Variants in TNS3 observed in about 807,000 individuals in gnomAD.
The protein encoded by TNS3 is tensin 3.
In TNS3, 45 loss-of-function variants were observed where a neutral mutation model predicts 140.9. That is an observed-to-expected ratio of 0.32 (90% confidence interval 0.25 to 0.41). The LOEUF is 0.41. Ranked by LOEUF, TNS3 falls within the 10% of genes least tolerant of loss-of-function variation. The pLI, the probability that TNS3 is intolerant of heterozygous loss-of-function variation, is 1.00. For missense variants in TNS3, 1,716 were observed against 1,906.7 expected (o/e 0.90, Z 1.86); for synonymous variants, 815 against 788.4 (o/e 1.03, Z -0.56).
chr7:47,528,635 T>C (rs1339951259), intron 2 of TNS3, among the ~76,000 whole-genome samples: 2 of 152,208 alleles, frequency 1.3e-5, no homozygotes, highest in Non-Finnish European at 2.9e-5. Flanking sequence ...CTTAGTTTAG[T>C]GACAGGATCT....
intron 16 of TNS3, among the ~76,000 whole-genome samples, chr7:47,381,564 C>A (rs746269915): frequency 1.3e-5 from 2 of 152,182 alleles, no homozygotes; most frequent in African/African-American, 2.4e-5. Context: ...GTTCCCACAG[C>A]ACAATGGAAA....
chr7:47,483,064 G>A (rs1037123084), intron 3 of TNS3, among the ~76,000 whole-genome samples: 2 of 152,136 alleles, frequency 1.3e-5, no homozygotes, highest in African/African-American at 4.8e-5. Flanking sequence ...AATGTAAACC[G>A]AGGGCTCTGG....
At chr7:47,578,734 G>T (rs1240477775) in intron 1 of TNS3, among the ~76,000 whole-genome samples, 1 of 152,204 alleles carries the variant, frequency 6.6e-6, no homozygotes, top group Admixed American at 6.5e-5. Flanking sequence ...CTGAGTCACA[G>T]AGTACAAACA....
At chr7:47,517,634 G>A (rs541975741) in intron 2 of TNS3, among the ~76,000 whole-genome samples, 1 of 152,302 alleles carries the variant, frequency 6.6e-6, no homozygotes, top group African/African-American at 2.4e-5. Context: ...CTACAACAGG[G>A]CAGAAACTGA....
chr7:47,417,761 CA>C (rs146846028), intron 10 of TNS3, among the ~76,000 whole-genome samples: 23,458 of 150,638 alleles, frequency 0.16, 2,438 homozygotes, highest in African/African-American at 0.29. Context: ...ACAACAACAA[CA>C]AAAAAAAACC....
chr7:47,289,593 T>C (rs1283818518), intron 27 of TNS3, among the ~76,000 whole-genome samples: 1 of 152,224 alleles, frequency 6.6e-6, no homozygotes, highest in Non-Finnish European at 1.5e-5. Context: ...ACTGCTTTCC[T>C]ACAGACCAGC....
At chr7:47,478,115 A>AC (rs926832077) in intron 4 of TNS3, among the ~76,000 whole-genome samples, 7 of 152,126 alleles carry the variant, frequency 4.6e-5, no homozygotes, top group African/African-American at 1.7e-4. Flanking sequence ...TGCCAAGGCC[A>AC]CCCCTGACTG....
chr7:47,523,276 C>T (rs1450776879), intron 2 of TNS3, among the ~76,000 whole-genome samples: 1 of 152,220 alleles, frequency 6.6e-6, no homozygotes, highest in Non-Finnish European at 1.5e-5. Flanking sequence ...AAGGCCCCAT[C>T]TCCTAATGCC....
intron 8 of TNS3, 70 bp downstream of exon 8, chr7:47,435,212 T>C (rs908239172): frequency 2.3e-5 from 36 of 1,589,238 alleles, no homozygotes; most frequent in Non-Finnish European, 2.8e-5. Flanking sequence ...AGATGCAGCA[T>C]TGGTCTCCAT....
At chr7:47,508,965 A>G (rs994088661) in intron 2 of TNS3, among the ~76,000 whole-genome samples, 9 of 152,214 alleles carry the variant, frequency 5.9e-5, no homozygotes, top group African/African-American at 2.2e-4. Context: ...CAGATGGTGC[A>G]GCCTCTCCAG....
intron 20 of TNS3, among the ~76,000 whole-genome samples, chr7:47,321,425 G>C (rs1787728733): frequency 6.6e-6 from 1 of 152,200 alleles, no homozygotes; most frequent in Admixed American, 6.5e-5. Flanking sequence ...ATTCCACTGA[G>C]TCCAAAACTC....
At chr7:47,436,692 C>T (rs1795198680) in intron 7 of TNS3, among the ~76,000 whole-genome samples, 1 of 151,772 alleles carries the variant, frequency 6.6e-6, no homozygotes. Flanking sequence ...GAAGAGAGCC[C>T]CATGCTGATG....
chr7:47,510,396 G>C (rs1236702941), intron 2 of TNS3, among the ~76,000 whole-genome samples: 1 of 152,168 alleles, frequency 6.6e-6, no homozygotes, highest in African/African-American at 2.4e-5. Context: ...TAGCAGTTGT[G>C]TGAGCTGGCA....
rs547923719 is a variant in TNS3, at chr7:47,573,044, C to A, written c.-265+9007G>T. Among the ~76,000 whole-genome samples the A allele has an allele frequency of 2.0e-5, 3 of 152,250 alleles. No individual in the cohort carries two copies. In the East Asian group the frequency reaches 5.8e-4, roughly 29 times the overall value. Reference sequence around the variant, plus strand: ...CCCAGAAATCAAGGGTCACGTGTGGCCCAGGCTTGGGAAAACATTTCTCAA... The same window carrying A: ...CCCAGAAATCAAGGGTCACGTGTGGACCAGGCTTGGGAAAACATTTCTCAA... On this transcript the variant is annotated intron_variant, in intron 1 of 30. Transcript: ENST00000311160.
intron 4 of TNS3, among the ~76,000 whole-genome samples, chr7:47,451,959 C>T (rs1036863757): frequency 1.3e-5 from 2 of 152,144 alleles, no homozygotes; most frequent in African/African-American, 4.8e-5. Flanking sequence ...TCGAGTAAGC[C>T]GTCTGATCTT....
Position 47,303,008 on chromosome 7 carries a change from G to A in TNS3, c.3399C>T (p.Pro1133=). The A allele has an allele frequency of 1.2e-6, 2 of 1,613,822 alleles. No individual in the cohort carries two copies. Among genetic ancestry groups the A allele is most frequent in the Non-Finnish European group, 1.7e-6 (2 of 1,179,742 alleles). ...SPHSGSTISI[P]FPNVLPDFSK... is the part of the protein sequence containing the mutation. Reference sequence around the variant, plus strand: ...AAAAGTCGGGAAGGACATTTGGGAAGGGGATACTGATGGTGCTCCCGCTGT... The same window carrying A: ...AAAAGTCGGGAAGGACATTTGGGAAAGGGATACTGATGGTGCTCCCGCTGT... The change falls in exon 22 of 31, where the codon CCC becomes CCT. Residue 1133 remains proline, a synonymous_variant. Coordinates refer to ENST00000311160, the MANE Select transcript of TNS3 (RefSeq NM_022748.12).
At chr7:47,469,047 T>G (rs569060490) in intron 4 of TNS3, among the ~76,000 whole-genome samples, 1 of 152,316 alleles carries the variant, frequency 6.6e-6, no homozygotes. Context: ...TGCAGAAGAA[T>G]GGAACTAGAC....
chr7:47,542,713 G>A (rs183238485), intron 1 of TNS3, among the ~76,000 whole-genome samples: 4 of 152,150 alleles, frequency 2.6e-5, no homozygotes, highest in Admixed American at 6.5e-5. Flanking sequence ...GGCAGATCAC[G>A]AGGTCAGGAG....
chr7:47,328,092 C>G (rs546427653), intron 20 of TNS3, among the ~76,000 whole-genome samples: 2 of 152,164 alleles, frequency 1.3e-5, no homozygotes, highest in South Asian at 4.1e-4. Flanking sequence ...AGCAGAGTCC[C>G]GAGTCCCTGT....
Sources: gnomAD v4.1 joint callset for allele counts (sites outside exome capture counted in the v4.1 genomes callset) on GRCh38, gnomAD v4.1.1 for gene constraint, MANE v1.5 for transcripts, NCBI Gene and HGNC (gene_info 2026-07-23, HGNC 2026-07-21) for gene names.